TMTC1: variants seen among roughly 807,000 people sequenced by gnomAD.
TMTC1 encodes the protein protein O-mannosyl-transferase TMTC1.
In TMTC1, 73 loss-of-function variants were observed where a neutral mutation model predicts 104.8. The observed-to-expected ratio is 0.70, with a 90% CI of 0.58 to 0.85. The LOEUF (loss-of-function observed/expected upper bound fraction) is 0.85. Among genes scored for constraint, TMTC1 ranks in the 40% least tolerant of loss-of-function variants. The pLI, the probability that TMTC1 is intolerant of heterozygous loss-of-function variation, is 0.00. For synonymous variants in TMTC1, 434 were observed against 428.7 expected (o/e 1.01, Z -0.15); for missense variants, 1,035 against 1,096.1 (o/e 0.94, Z 0.79).
chr12:29,761,582 G>GTT (rs10696109), intron 2 of TMTC1, among the ~76,000 whole-genome samples: 115,078 of 149,390 alleles, frequency 0.77, 44,818 homozygotes, highest in Admixed American at 0.84. Context: ...TGCATTTCTC[G>GTT]TTTTTTTTTT....
chr12:29,758,814 C>T (rs774881712), intron 2 of TMTC1, 37 bp from the exon 3 acceptor site: 1 of 1,530,084 alleles, frequency 6.5e-7, no homozygotes, highest in East Asian at 2.3e-5. Flanking sequence ...AAACTTCAGA[C>T]AATTACTTTC....
chr12:29,696,082 G>A (rs912255656), intron 5 of TMTC1, among the ~76,000 whole-genome samples: 1 of 151,820 alleles, frequency 6.6e-6, no homozygotes, highest in Admixed American at 6.6e-5. Flanking sequence ...ATACATCTTG[G>A]ACAAGAACAA....
At chr12:29,647,356 T>C (rs1437357591) in intron 5 of TMTC1, among the ~76,000 whole-genome samples, 1 of 152,210 alleles carries the variant, frequency 6.6e-6, no homozygotes, top group East Asian at 1.9e-4. Flanking sequence ...ATAAACATGT[T>C]TCGAAGGCTT....
At position 29,502,111 on chromosome 12, in the gene TMTC1, AGGTACTTAATTCT is replaced by A. The variant is rs1179086903; in HGVS notation, c.*4722_*4734del. On this transcript the variant is annotated 3_prime_UTR_variant, in exon 18 of 18. Transcript: ENST00000539277. Reference sequence around the variant, plus strand: ...CTGCAACCTCAATGCTAGATTTGACAGGTACTTAATTCTTTTTAAATGTCAAAAGATACCATTT... The same window carrying A: ...CTGCAACCTCAATGCTAGATTTGACATTTTAAATGTCAAAAGATACCATTT... 1.3e-5 allele frequency: 2 copies of A among 152,202 alleles called. No individual in the cohort carries two copies. The highest frequency in any genetic ancestry group is 4.8e-5 in the African/African-American group (2 of 41,462). 9.4% of individuals were successfully genotyped at this position (152,202 alleles called of 1,614,324 possible).
At chr12:29,687,885 T>C (rs907401515) in intron 5 of TMTC1, among the ~76,000 whole-genome samples, 1 of 152,136 alleles carries the variant, frequency 6.6e-6, no homozygotes, top group Non-Finnish European at 1.5e-5. Context: ...ACACCAGTCA[T>C]ATTGGATTAG....
chr12:29,672,662 C>A (rs762072456), intron 5 of TMTC1, among the ~76,000 whole-genome samples: 5 of 152,150 alleles, frequency 3.3e-5, no homozygotes, highest in Non-Finnish European at 5.9e-5. Flanking sequence ...CATCCTCATT[C>A]ACATGCTCTG....
chr12:29,546,833 T>C (rs2136230452), intron 10 of TMTC1, among the ~76,000 whole-genome samples: 1 of 152,276 alleles, frequency 6.6e-6, no homozygotes, highest in East Asian at 1.9e-4. Flanking sequence ...GAAGCTGTTG[T>C]GTGCTATGAT....
At chr12:29,512,171 A>G in intron 16 of TMTC1, 51 bp from the exon 17 acceptor site, 1 of 1,469,822 alleles carries the variant, frequency 6.8e-7, no homozygotes, top group Non-Finnish European at 9.3e-7. Flanking sequence ...TCCAAACTCC[A>G]GGATTGCAGA....
chr12:29,516,229 T>A, intron 15 of TMTC1, 120 bp downstream of exon 15: 1 of 1,260,502 alleles, frequency 7.9e-7, no homozygotes, highest in Non-Finnish European at 1.1e-6. Flanking sequence ...AGATAGGATA[T>A]GCTGACGGAT....
intron 5 of TMTC1, chr12:29,661,418 A>ATT (rs2136643930): frequency 5.6e-6 from 3 of 535,554 alleles, no homozygotes; most frequent in Non-Finnish European, 6.9e-6. Flanking sequence ...GAGGTTAAGT[A>ATT]ATTTTTTTTT....
intron 5 of TMTC1, among the ~76,000 whole-genome samples, chr12:29,640,247 G>A (rs969897188): frequency 7.9e-5 from 12 of 152,172 alleles, no homozygotes; most frequent in Admixed American, 3.3e-4. Flanking sequence ...AATTAAAGGC[G>A]GAGACTATTT....
intron 5 of TMTC1, among the ~76,000 whole-genome samples, chr12:29,737,552 G>C (rs374694281): frequency 1.3e-5 from 2 of 152,204 alleles, no homozygotes; most frequent in South Asian, 2.1e-4. Context: ...GGCGGCGGGA[G>C]GGGGGAAGCC....
chr12:29,578,322 T>C (rs144846712), intron 8 of TMTC1, among the ~76,000 whole-genome samples: 1 of 152,200 alleles, frequency 6.6e-6, no homozygotes, highest in African/African-American at 2.4e-5. Context: ...CATTTCACAA[T>C]GAACAGTTTG....
chr12:29,720,074 C>G (rs1942194505), intron 5 of TMTC1, among the ~76,000 whole-genome samples: 1 of 152,152 alleles, frequency 6.6e-6, no homozygotes, highest in Admixed American at 6.5e-5. Flanking sequence ...TGCTGGTGCT[C>G]TCTCGACCAT....
chr12:29,571,904 G>A (rs1042670172), intron 9 of TMTC1, among the ~76,000 whole-genome samples: 3 of 152,164 alleles, frequency 2.0e-5, no homozygotes, highest in Admixed American at 1.3e-4. Context: ...AGACTTACAC[G>A]CAAGGTAGAG....
In TMTC1 at chr12:29,623,830, T is replaced by TAAA. The variant is rs397972269; in HGVS notation, c.1128+9316_1128+9317insTTT. Among the ~76,000 whole-genome samples, 20 of 69,890 alleles carry TAAA rather than the reference T, an allele frequency of 2.9e-4. No individual in the cohort carries two copies. In the East Asian group the frequency reaches 3.5e-3, roughly 12 times the overall value. The allele number at this position is 69,890 out of a possible 152,430, so 45.9% of individuals were successfully genotyped here. ...TCCGGCTCAAAAATAAATAAATAAA[T>TAAA]TAAATTAAATTAAATTAAATTAAAT... On this transcript the variant is annotated intron_variant, in intron 6 of 17. Transcript: ENST00000539277.
At chr12:29,663,425 C>A (rs1234655181) in intron 5 of TMTC1, among the ~76,000 whole-genome samples, 2 of 152,118 alleles carry the variant, frequency 1.3e-5, no homozygotes, top group East Asian at 3.9e-4. Flanking sequence ...CCCTCTGTTG[C>A]CTGTTTATTT....
At chr12:29,695,455 C>T (rs1195875602) in intron 5 of TMTC1, among the ~76,000 whole-genome samples, 6 of 152,056 alleles carry the variant, frequency 3.9e-5, no homozygotes, top group African/African-American at 7.2e-5. Flanking sequence ...TACAGACACA[C>T]GCCACCACAT....
chr12:29,644,143 GTGTGTGTATA>G (rs1196827117), intron 5 of TMTC1, among the ~76,000 whole-genome samples: 5,353 of 99,488 alleles, frequency 0.054, 332 homozygotes, highest in Middle Eastern at 0.091. Flanking sequence ...GTGTGTGTGT[GTGTGTGTATA>G]TATATATATA....
Sources: allele counts gnomAD v4.1 joint callset (sites outside exome capture counted in the v4.1 genomes callset), GRCh38; gene constraint gnomAD v4.1.1; transcripts MANE v1.5; gene names NCBI Gene and HGNC (gene_info 2026-07-23, HGNC 2026-07-21).